The following RBFOX1 variants were observed in gnomAD, a reference collection of about 807,000 sequenced individuals.
RBFOX1 encodes the protein RNA binding fox-1 homolog 1, also known as RNA binding protein fox-1 homolog 1.
In RBFOX1, 8 loss-of-function variants were observed where a neutral mutation model predicts 57.7. That is an observed-to-expected ratio of 0.14 (90% CI 0.08 to 0.25). RBFOX1 has a LOEUF of 0.25. Among genes scored for constraint, RBFOX1 ranks in the 10% least tolerant of loss-of-function variants. The pLI is 1.00. For synonymous variants in RBFOX1, 326 were observed against 222.4 expected, an observed-to-expected ratio of 1.47 and a Z score of -4.15; for missense variants, 611 against 548.5, an observed-to-expected ratio of 1.11 and a Z score of -1.14.
intron 4 of RBFOX1, among the ~76,000 whole-genome samples, chr16:7,466,211 A>T (rs2060490022): frequency 6.6e-6 from 1 of 152,190 alleles, no homozygotes; most frequent in Admixed American, 6.5e-5. Context: ...ATAAAAGGAG[A>T]TTTATAGAAC....
chr16:5,440,085 G>A (rs953438275), intron 1 of RBFOX1, among the ~76,000 whole-genome samples: 1 of 152,166 alleles, frequency 6.6e-6, no homozygotes, highest in African/African-American at 2.4e-5. Flanking sequence ...TTATCCTCCT[G>A]AAATGAGTGT....
At chr16:6,768,289 A>G (rs2077703931) in intron 3 of RBFOX1, among the ~76,000 whole-genome samples, 2 of 152,122 alleles carry the variant, frequency 1.3e-5, no homozygotes, top group African/African-American at 2.4e-5. Context: ...TTTAAACAAT[A>G]AATGTTTGTA....
At chr16:5,749,370 C>G (rs534258061) in intron 3 of RBFOX1, among the ~76,000 whole-genome samples, 9 of 152,216 alleles carry the variant, frequency 5.9e-5, no homozygotes, top group African/African-American at 2.2e-4. Context: ...CGAGGAGTAT[C>G]TTTGTGGCAT....
At chr16:5,910,187 TG>T (rs1353929210) in intron 4 of RBFOX1, among the ~76,000 whole-genome samples, 2 of 152,156 alleles carry the variant, frequency 1.3e-5, no homozygotes, top group Non-Finnish European at 2.9e-5. Context: ...CAGCCTAGAA[TG>T]GTCACCAAAG....
At chr16:5,773,130 C>A (rs1261897499) in intron 3 of RBFOX1, among the ~76,000 whole-genome samples, 1 of 152,128 alleles carries the variant, frequency 6.6e-6, no homozygotes, top group African/African-American at 2.4e-5. Flanking sequence ...ACAGGTATGA[C>A]CTGGCTTGGG....
intron 3 of RBFOX1, among the ~76,000 whole-genome samples, chr16:6,925,736 C>G (rs561823967): frequency 4.0e-5 from 6 of 151,876 alleles, no homozygotes; most frequent in Middle Eastern, 3.4e-3. Context: ...TTTAAACACC[C>G]AAACACAGAC....
At chr16:5,808,168 C>A (rs905875725) in intron 3 of RBFOX1, among the ~76,000 whole-genome samples, 1 of 152,000 alleles carries the variant, frequency 6.6e-6, no homozygotes, top group Non-Finnish European at 1.5e-5. Flanking sequence ...AAAATGAGGC[C>A]GTTAGGATGG....
At chr16:6,094,952 C>G (rs189959955) in intron 1 of RBFOX1, among the ~76,000 whole-genome samples, 1 of 152,056 alleles carries the variant, frequency 6.6e-6, no homozygotes, top group Non-Finnish European at 1.5e-5. Flanking sequence ...CCCAGCTACT[C>G]GAGAGGCTGA....
intron 4 of RBFOX1, among the ~76,000 whole-genome samples, chr16:7,331,334 G>T (rs575673748): frequency 4.6e-5 from 7 of 152,296 alleles, no homozygotes; most frequent in Admixed American, 2.0e-4. Flanking sequence ...AATGTGGCCA[G>T]TGAATGTTTC....
intron 4 of RBFOX1, among the ~76,000 whole-genome samples, chr16:5,873,929 GA>G (rs1259425864): frequency 2.0e-5 from 3 of 152,218 alleles, no homozygotes; most frequent in Non-Finnish European, 2.9e-5. Context: ...GAAGAGATGG[GA>G]AAAAAGCTGC....
At chr16:5,671,842 G>T (rs967525355) in intron 3 of RBFOX1, among the ~76,000 whole-genome samples, 13 of 152,166 alleles carry the variant, frequency 8.5e-5, no homozygotes, top group African/African-American at 3.1e-4. Context: ...CTCCATCCAA[G>T]TTGCAGTGTG....
chr16:7,642,673 A>G (rs2063041739), intron 11 of RBFOX1, among the ~76,000 whole-genome samples: 1 of 152,198 alleles, frequency 6.6e-6, no homozygotes, highest in Admixed American at 6.5e-5. Flanking sequence ...TAAAGTAATT[A>G]TATAAATTAT....
intron 2 of RBFOX1, among the ~76,000 whole-genome samples, chr16:6,631,830 T>C (rs767773809): frequency 9.9e-5 from 15 of 151,756 alleles, no homozygotes; most frequent in Non-Finnish European, 2.2e-4. Flanking sequence ...AGCGGGTGCA[T>C]GCAAACACCC....
chr16:5,368,604 T>G (rs1218282530), intron 1 of RBFOX1, among the ~76,000 whole-genome samples: 1 of 152,208 alleles, frequency 6.6e-6, no homozygotes, highest in East Asian at 1.9e-4. Context: ...ACTACACGGT[T>G]TCTTAAACTC....
At chr16:5,296,786 C>T (rs1192871101) in intron 1 of RBFOX1, among the ~76,000 whole-genome samples, 1 of 151,732 alleles carries the variant, frequency 6.6e-6, no homozygotes, top group Non-Finnish European at 1.5e-5. Flanking sequence ...TCAAGCAATT[C>T]TCCTGTCTCA....
chr16:7,622,243 G>C (rs17685565), intron 10 of RBFOX1, among the ~76,000 whole-genome samples: 60,680 of 151,838 alleles, frequency 0.4, 14,330 homozygotes, highest in Non-Finnish European at 0.52. Flanking sequence ...AGGAAAAAGA[G>C]TTCTCTATGC....
chr16:5,755,414 G>C (rs1405639772), intron 3 of RBFOX1, among the ~76,000 whole-genome samples: 1 of 152,100 alleles, frequency 6.6e-6, no homozygotes, highest in African/African-American at 2.4e-5. Context: ...GACCAGGAAG[G>C]ATCCCCATTT....
intron 3 of RBFOX1, among the ~76,000 whole-genome samples, chr16:7,015,573 A>G (rs2093870412): frequency 1.3e-5 from 2 of 152,170 alleles, no homozygotes; most frequent in Admixed American, 1.3e-4. Context: ...GGTTGTTCAC[A>G]TTATTCTGAG....
chr16:6,224,537 G>T (rs2097401577), intron 1 of RBFOX1, among the ~76,000 whole-genome samples: 1 of 152,038 alleles, frequency 6.6e-6, no homozygotes, highest in South Asian at 2.1e-4. Context: ...GAACAAAAAA[G>T]CCCTATTTTT....
Sources: allele counts gnomAD v4.1 joint callset (sites outside exome capture counted in the v4.1 genomes callset), GRCh38; gene constraint gnomAD v4.1.1; transcripts MANE v1.5; gene names NCBI Gene and HGNC (gene_info 2026-07-23, HGNC 2026-07-21).